Variants in EPS8 observed in about 807,000 individuals in gnomAD.
The protein encoded by EPS8 is epidermal growth factor receptor kinase substrate 8.
EPS8 carries 42 observed loss-of-function variants against 103.8 expected under a neutral mutation model. The ratio of observed to expected loss-of-function variants is 0.40; its 90% confidence interval spans 0.32 to 0.52. EPS8 has a LOEUF of 0.52. Ranked by LOEUF, EPS8 falls within the 20% of genes least tolerant of loss-of-function variation. The probability of loss-of-function intolerance (pLI) is 0.40; values close to 1 mark genes in which losing one functional copy is unlikely to be tolerated. For synonymous variants in EPS8, 344 were observed against 344.6 expected, an observed-to-expected ratio of 1.00 and a Z score of 0.02; for missense variants, 969 against 1,005.1, an observed-to-expected ratio of 0.96 and a Z score of 0.49.
At chr12:15,641,052 C>T (rs1263637663) in intron 16 of EPS8, among the ~76,000 whole-genome samples, 1 of 152,046 alleles carries the variant, frequency 6.6e-6, no homozygotes. Context: ...GGTGAATCTA[C>T]CCAAGGTCCA....
intron 8 of EPS8, chr12:15,665,276 C>T (rs1945686944): frequency 6.0e-6 from 1 of 167,702 alleles, no homozygotes; most frequent in Admixed American, 6.3e-5. Flanking sequence ...GGTCTAAACT[C>T]TTACAGATAA....
At position 15,673,730 on chromosome 12, in the gene EPS8, T is replaced by C. The variant is rs537713735; in HGVS notation, c.137-2807A>G. 7.2e-5 allele frequency among the ~76,000 whole-genome samples: 11 copies of C among 152,304 alleles called. No homozygotes were observed. In the South Asian group the frequency reaches 1.9e-3, roughly 26 times the overall value. On this transcript the variant is annotated intron_variant, in intron 3 of 20. Coordinates refer to ENST00000281172, the MANE Select transcript of EPS8 (RefSeq NM_004447.6). ...ATGTAAATATCGTCAAATGGTATAT[T>C]AAATAATAAATTCATGAATAAACAT...
chr12:15,685,688 G>A (rs1946084147), intron 1 of EPS8, among the ~76,000 whole-genome samples: 1 of 152,040 alleles, frequency 6.6e-6, no homozygotes, highest in Admixed American at 6.5e-5. Flanking sequence ...CACTTATCAC[G>A]GCGGCTCATG....
Position 15,759,940 on chromosome 12 carries a change from T to C in EPS8, c.-22+29221A>G, listed in dbSNP as rs566843383. ...AAGAGCAAACCAAACCCAAAATTCA[T>C]AGAAAAAAGGAAATGATAAAGATCA... is the stretch of plus-strand genomic sequence containing the variant. On this transcript the variant is annotated intron_variant, in intron 1 of 20. Transcript: ENST00000281172. This position sits in a 1 kb window ranked among gnomAD's most constrained non-coding sequence, Gnocchi z 4.9. Among the ~76,000 whole-genome samples the C allele has an allele frequency of 9.3e-4, 140 of 150,126 alleles. No homozygotes were observed. The highest frequency in any genetic ancestry group is 1.6e-3 in the Admixed American group (24 of 15,126).
intron 12 of EPS8, among the ~76,000 whole-genome samples, chr12:15,654,861 C>T (rs1384500511): frequency 1.3e-5 from 2 of 151,952 alleles, no homozygotes; most frequent in Non-Finnish European, 2.9e-5. Flanking sequence ...TAGAAAATTC[C>T]TCTGATTTAA....
rs973626153 is a variant in EPS8 at position 15,757,491 on chromosome 12, G to A, written c.-22+31670C>T. On this transcript the variant is annotated intron_variant, in intron 1 of 20. Transcript: ENST00000281172. The surrounding 1 kb of genome is among the most constrained non-coding windows in gnomAD (Gnocchi z 4.1). Reference sequence around the variant, plus strand: ...TAAAAAATACAAAAATTAGCTAGGCGTGGTGGCGCATGCCTGTAATCCCAG... The same window carrying A: ...TAAAAAATACAAAAATTAGCTAGGCATGGTGGCGCATGCCTGTAATCCCAG... Among the ~76,000 whole-genome samples the A allele has an allele frequency of 3.3e-5, 5 of 152,178 alleles. No individual in the cohort carries two copies. The highest frequency in any genetic ancestry group is 2.1e-4 in the South Asian group (1 of 4,820).
chr12:15,746,166 CA>C (rs1211645962), intron 1 of EPS8, among the ~76,000 whole-genome samples: 2 of 152,146 alleles, frequency 1.3e-5, no homozygotes, highest in Non-Finnish European at 1.5e-5. Flanking sequence ...AAGCAGGAGT[CA>C]GGGGGAGACT....
At chr12:15,681,728 CAAA>C (rs71042267) in intron 2 of EPS8, among the ~76,000 whole-genome samples, 3 of 39,226 alleles carry the variant, frequency 7.6e-5, no homozygotes, top group Non-Finnish European at 1.5e-4. Context: ...GACTCTGTCT[CAAA>C]AAAAAAAAAA....
At position 15,785,882 on chromosome 12, in the gene EPS8, C is replaced by A; in HGVS notation, c.-22+3279G>T. The stretch of plus-strand genomic sequence containing the variant: ...TAACAAAGTAGCATTGTATTATAAC[C>A]CAAAATATTTAGATAGATAGATAGA... On this transcript the variant is annotated intron_variant, in intron 1 of 20. Transcript: ENST00000281172. This position sits in a 1 kb window ranked among gnomAD's most constrained non-coding sequence, Gnocchi z 4.9. Among the ~76,000 whole-genome samples the A allele has an allele frequency of 6.6e-6, 1 of 151,262 alleles. No individual in the cohort carries two copies. Among genetic ancestry groups the A allele is most frequent in the Non-Finnish European group, 1.5e-5 (1 of 67,778 alleles).
chr12:15,624,170 T>C (rs1400190088), intron 19 of EPS8, 57 bp downstream of exon 19: 6 of 1,411,592 alleles, frequency 4.3e-6, no homozygotes, highest in South Asian at 2.4e-5. Context: ...ACTAAGCAAA[T>C]TGAAAACAAT....
At chr12:15,668,160 A>G (rs967314928) in intron 6 of EPS8, among the ~76,000 whole-genome samples, 2 of 152,200 alleles carry the variant, frequency 1.3e-5, no homozygotes, top group Non-Finnish European at 2.9e-5. Context: ...TGACTTTCAA[A>G]AGGCACTATA....
chr12:15,771,984 C>T lies in EPS8; in HGVS notation c.-22+17177G>A, dbSNP rs1198115491. Among the ~76,000 whole-genome samples, 1 of 151,940 alleles carries T rather than the reference C, an allele frequency of 6.6e-6. No individual in the cohort carries two copies. The highest frequency in any genetic ancestry group is 1.9e-4 in the East Asian group (1 of 5,164). ...CTAAAAATACAAAAAATTAGCAGGG[C>T]ATAGTGGCGGGCGCCCGTAGTCTTC... On this transcript the variant is annotated intron_variant, in intron 1 of 20. Transcript: ENST00000281172. The surrounding 1 kb of genome is among the most constrained non-coding windows in gnomAD (Gnocchi z 4.6).
intron 1 of EPS8, among the ~76,000 whole-genome samples, chr12:15,746,095 C>A (rs1231415417): frequency 6.6e-6 from 1 of 152,088 alleles, no homozygotes; most frequent in Non-Finnish European, 1.5e-5. Context: ...TTGCCTATAC[C>A]AGTTTATTAA....
At chr12:15,652,027 T>G (rs1305170402) in intron 13 of EPS8, among the ~76,000 whole-genome samples, 1 of 152,176 alleles carries the variant, frequency 6.6e-6, no homozygotes, top group Non-Finnish European at 1.5e-5. Flanking sequence ...ACCTGATCAA[T>G]TTAATAAACT....
At chr12:15,638,945 T>C (rs1945182758) in intron 17 of EPS8, among the ~76,000 whole-genome samples, 1 of 152,226 alleles carries the variant, frequency 6.6e-6, no homozygotes, top group Non-Finnish European at 1.5e-5. Context: ...AGGTAAGAGA[T>C]ATTAAACTTT....
In EPS8 at chr12:15,714,654, C is replaced by A. The variant is rs1946508637; in HGVS notation, c.-21-31682G>T. Among the ~76,000 whole-genome samples, 1 of 152,182 alleles carries A rather than the reference C, an allele frequency of 6.6e-6. No individual in the cohort carries two copies. Among genetic ancestry groups the A allele is most frequent in the African/African-American group, 2.4e-5 (1 of 41,444 alleles). On this transcript the variant is annotated intron_variant, in intron 1 of 20. Coordinates refer to ENST00000281172, the MANE Select transcript of EPS8 (RefSeq NM_004447.6). The surrounding 1 kb of genome is among the most constrained non-coding windows in gnomAD (Gnocchi z 4.1). ...CAGGACCCATCTCTTTAACCCATTT[C>A]TCACTTAGAATAAAAAAGTGCTGCT...
chr12:15,644,697 CAAAA>C (rs10559403), intron 15 of EPS8, among the ~76,000 whole-genome samples: 4 of 122,136 alleles, frequency 3.3e-5, no homozygotes, highest in Non-Finnish European at 3.6e-5. Flanking sequence ...GACTCTGTCT[CAAAA>C]AAAAAAAAAA....
Position 15,774,150 on chromosome 12 carries a change from TA to T in EPS8, c.-22+15010del, listed in dbSNP as rs879284904. ...AACTAATTTTTAGCGTGTCATCAAT[TA>T]AAAAAAAAAGATTCTCTGGTAATGG... On this transcript the variant is annotated intron_variant, in intron 1 of 20. Coordinates refer to ENST00000281172, the MANE Select transcript of EPS8 (RefSeq NM_004447.6). Among the ~76,000 whole-genome samples the T allele has an allele frequency of 8.5e-3, 1,260 of 147,934 alleles. 20 individuals carry two copies. The highest frequency in any genetic ancestry group is 0.029 in the African/African-American group (1,164 of 40,550).
intron 1 of EPS8, among the ~76,000 whole-genome samples, chr12:15,755,386 A>G (rs552808310): frequency 2.6e-5 from 4 of 152,288 alleles, no homozygotes; most frequent in African/African-American, 9.6e-5. Context: ...TGAACTCCTG[A>G]AACTCTGGCT....
Sources: allele counts gnomAD v4.1 joint callset (sites outside exome capture counted in the v4.1 genomes callset), GRCh38; gene constraint gnomAD v4.1.1; non-coding constraint Gnocchi (gnomAD v3.1); transcripts MANE v1.5; gene names NCBI Gene and HGNC (gene_info 2026-07-23, HGNC 2026-07-21).